The following RUBCNL variants were observed in gnomAD, a reference collection of about 807,000 sequenced individuals.
RUBCNL encodes the protein protein associated with UVRAG as autophagy enhancer.
RUBCNL carries 62 observed loss-of-function variants against 69.5 expected under a neutral mutation model. The observed-to-expected ratio is 0.89, with a 90% CI of 0.73 to 1.10. The LOEUF (loss-of-function observed/expected upper bound fraction) is 1.10, where lower values mean the gene tolerates loss of function less well. RUBCNL is among the 50% of genes least tolerant of loss of function. RUBCNL has a pLI of 0.00. For synonymous variants in RUBCNL, 291 were observed against 303.6 expected (o/e 0.96, Z 0.43); for missense variants, 768 against 798.1 (o/e 0.96, Z 0.45).
chr13:46,364,474 C>T (rs1190105218), intron 5 of RUBCNL, among the ~76,000 whole-genome samples: 1 of 152,098 alleles, frequency 6.6e-6, no homozygotes, highest in East Asian at 1.9e-4. Context: ...AGCTGGGTGA[C>T]GATGGACAAC....
rs2049267379 is a variant in RUBCNL, at chr13:46,387,123, G to T, written c.-239+11C>A. The stretch of plus-strand genomic sequence containing the variant: ...CCGCTCCCATCTCGCCCCCGGCCCC[G>T]CCAGCCTCACCCAGCCAAACCCGAG... On this transcript the variant is annotated intron_variant, in intron 1 of 14. Transcript: ENST00000429979. The T allele has an allele frequency of 1.0e-6, 1 of 985,336 alleles. No individual in the cohort carries two copies. Among genetic ancestry groups the T allele is most frequent in the Non-Finnish European group, 1.2e-6 (1 of 830,076 alleles). 61.0% of individuals were successfully genotyped at this position (985,336 alleles called of 1,614,324 possible).
At chr13:46,380,888 A>T (rs2147133) in intron 1 of RUBCNL, among the ~76,000 whole-genome samples, 4,063 of 151,996 alleles carry the variant, frequency 0.027, 90 homozygotes, top group East Asian at 0.099. Flanking sequence ...TACATATATT[A>T]AAAAAAACCA....
At chr13:46,384,158 G>A (rs960980696) in intron 1 of RUBCNL, among the ~76,000 whole-genome samples, 9 of 152,138 alleles carry the variant, frequency 5.9e-5, no homozygotes, top group African/African-American at 1.7e-4. Context: ...CGAATAAAAT[G>A]ATTTAACAAT....
intron 10 of RUBCNL, among the ~76,000 whole-genome samples, chr13:46,356,002 G>C (rs1422546022): frequency 6.6e-6 from 1 of 152,186 alleles, no homozygotes; most frequent in Non-Finnish European, 1.5e-5. Context: ...CCAGCAGTGG[G>C]GCAAGACAGG....
In RUBCNL at chr13:46,372,545, T is replaced by TGA. The variant is rs1201999027; in HGVS notation, c.-72_-71dup. 1.3e-6 allele frequency: 2 copies of TGA among 1,513,626 alleles called. No homozygotes were observed. Among genetic ancestry groups the TGA allele is most frequent in the African/African-American group, 2.8e-5 (2 of 72,486 alleles). 93.8% of individuals were successfully genotyped at this position (1,513,626 alleles called of 1,614,324 possible). On this transcript the variant is annotated 5_prime_UTR_variant, in exon 3 of 15. Coordinates refer to ENST00000429979, the MANE Select transcript of RUBCNL (RefSeq NM_025113.5). ...GAGTTCCCTGATTGCTGGTACTACT[T>TGA]GATTTGGGCCCTGAACTCACCACAT...
chr13:46,387,277 G>T (rs2049272188), upstream of RUBCNL: 1 of 985,290 alleles, frequency 1.0e-6, no homozygotes, highest in South Asian at 4.7e-5. Flanking sequence ...CCGAGGAGGG[G>T]ACAGCGACGC....
chr13:46,340,196 C>A lies in RUBCNL; in HGVS notation c.*3189G>T, dbSNP rs1401480020. ...TGTCCTCATCCTAACTTAACCACCT[C>A]TGCAAAGACCCTACTTCCCAAAAGG... On this transcript the variant is annotated 3_prime_UTR_variant, in exon 15 of 15. Coordinates refer to ENST00000429979, the MANE Select transcript of RUBCNL (RefSeq NM_025113.5). Among the ~76,000 whole-genome samples the A allele has an allele frequency of 6.6e-6, 1 of 152,148 alleles. No individual in the cohort carries two copies. Among genetic ancestry groups the A allele is most frequent in the Non-Finnish European group, 1.5e-5 (1 of 68,012 alleles).
chr13:46,382,779 C>G (rs2049147828), intron 1 of RUBCNL, among the ~76,000 whole-genome samples: 1 of 152,182 alleles, frequency 6.6e-6, no homozygotes, highest in Non-Finnish European at 1.5e-5. Flanking sequence ...TAGTGATCCA[C>G]CCGCCTCAGC....
chr13:46,366,338 G>T (rs1302974913), intron 5 of RUBCNL, among the ~76,000 whole-genome samples: 1 of 152,208 alleles, frequency 6.6e-6, no homozygotes, highest in Non-Finnish European at 1.5e-5. Flanking sequence ...TGGTCAGGAA[G>T]ACTGCAGAGC....
chr13:46,386,172 T>TAGGG (rs2049239419), intron 1 of RUBCNL, among the ~76,000 whole-genome samples: 1 of 152,078 alleles, frequency 6.6e-6, no homozygotes, highest in Non-Finnish European at 1.5e-5. Context: ...TCCAGGCCAT[T>TAGGG]AACCTTCTAA....
intron 9 of RUBCNL, among the ~76,000 whole-genome samples, chr13:46,359,005 G>A (rs990909588): frequency 6.6e-6 from 1 of 151,982 alleles, no homozygotes; most frequent in Non-Finnish European, 1.5e-5. Context: ...TAGGCTGAGC[G>A]AGGTGGCTCA....
In RUBCNL at chr13:46,344,742, T is replaced by C. The variant is rs2048208067; in HGVS notation, c.1875A>G (p.Ser625=). ...TTATGTTATTAAGTTATTAAATACCTGAACATCTTCTACATGTTGCTGTCT... is the reference window on the plus strand; with the variant it reads ...TTATGTTATTAAGTTATTAAATACCCGAACATCTTCTACATGTTGCTGTCT... ...PFQTATCRRC[S]ACRACFHKQC... The change falls in exon 14 of 15, where the codon TCA becomes TCG. Residue 625 remains serine (S), a splice_region_variant and synonymous_variant. Coordinates refer to ENST00000429979, the MANE Select transcript of RUBCNL (RefSeq NM_025113.5). 6.3e-7 allele frequency: 1 copy of C among 1,596,218 alleles called. No individual in the cohort carries two copies. The highest frequency in any genetic ancestry group is 2.2e-5 in the East Asian group (1 of 44,694).
intron 1 of RUBCNL, 38 bp from the exon 2 acceptor site, chr13:46,378,043 C>T (rs1256986865): frequency 9.3e-7 from 1 of 1,078,480 alleles, no homozygotes; most frequent in Non-Finnish European, 1.3e-6. Flanking sequence ...TGCTATGATA[C>T]CACTGCCAGG....
intron 6 of RUBCNL, among the ~76,000 whole-genome samples, 158 bp downstream of exon 6, chr13:46,362,957 T>TATATATATATAG (rs1566077843): frequency 2.8e-5 from 2 of 72,190 alleles, no homozygotes; most frequent in Non-Finnish European, 5.2e-5. Flanking sequence ...TATATATATA[T>TATATATATATAG]ATATATATAT....
rs1283438255 is a variant in RUBCNL at position 46,371,874 on chromosome 13, G to T, written c.535+67C>A. On this transcript the variant is annotated intron_variant, in intron 3 of 14. Coordinates refer to ENST00000429979, the MANE Select transcript of RUBCNL (RefSeq NM_025113.5). ...TCCCATGGGGAAGACAACAAGGCAG[G>T]CTTTAGAGCAAGGCGAAGCAAGGGT... is the stretch of plus-strand genomic sequence containing the variant. 8 of 1,502,372 alleles carry T rather than the reference G, an allele frequency of 5.3e-6. No individual in the cohort carries two copies. In the Admixed American group the frequency reaches 1.5e-4, roughly 28 times the overall value. 93.1% of individuals were successfully genotyped at this position (1,502,372 alleles called of 1,614,324 possible).
upstream of RUBCNL, among the ~76,000 whole-genome samples, chr13:46,389,530 G>A (rs188601687): frequency 5.3e-5 from 8 of 152,294 alleles, no homozygotes; most frequent in South Asian, 2.1e-4. The surrounding 1 kb of genome is among the most constrained non-coding windows in gnomAD (Gnocchi z 4.2). Flanking sequence ...CAAGAAAATC[G>A]TTTTTGTAGG....
rs1201871990 is a variant in RUBCNL, at chr13:46,336,146, A to C, written c.*7239T>G. On this transcript the variant is annotated 3_prime_UTR_variant, in exon 15 of 15. Coordinates refer to ENST00000429979, the MANE Select transcript of RUBCNL (RefSeq NM_025113.5). The stretch of plus-strand genomic sequence containing the variant: ...AGGAGGAAGGTGAATGGTTGCATCC[A>C]TCCATCTGGTCTATCTGACAGCCGG... 1.3e-5 allele frequency among the ~76,000 whole-genome samples: 2 copies of C among 152,226 alleles called. No homozygotes were observed. Among genetic ancestry groups the C allele is most frequent in the African/African-American group, 4.8e-5 (2 of 41,454 alleles).
In RUBCNL at chr13:46,366,047, TTTG is replaced by T. The variant is rs530255553; in HGVS notation, c.826+1992_826+1994del. On this transcript the variant is annotated intron_variant, in intron 5 of 14. Coordinates refer to ENST00000429979, the MANE Select transcript of RUBCNL (RefSeq NM_025113.5). ...ATTACGACTGAGAAGTCAGGATTGA[TTTG>T]TTTACTAACTAGAAACGGGACAGGA... 3.6e-3 allele frequency among the ~76,000 whole-genome samples: 543 copies of T among 152,318 alleles called. 2 individuals carry two copies. Among genetic ancestry groups the T allele is most frequent in the Middle Eastern group, 6.8e-3 (2 of 294 alleles).
chr13:46,363,368 A>G (rs955893489), intron 5 of RUBCNL, among the ~76,000 whole-genome samples, 155 bp from the exon 6 acceptor site: 1 of 152,108 alleles, frequency 6.6e-6, no homozygotes, highest in African/African-American at 2.4e-5. Flanking sequence ...AAACTGGGGA[A>G]CTATTTGTGT....
Sources: gnomAD v4.1 joint callset for allele counts (sites outside exome capture counted in the v4.1 genomes callset) on GRCh38, gnomAD v4.1.1 for gene constraint, Gnocchi (gnomAD v3.1) non-coding constraint, MANE v1.5 for transcripts, NCBI Gene and HGNC (gene_info 2026-07-23, HGNC 2026-07-21) for gene names.